Variants in HIVEP1 observed in about 807,000 individuals in gnomAD.
The protein encoded by HIVEP1 is zinc finger protein 40.
In HIVEP1, 36 loss-of-function variants were observed where a neutral mutation model predicts 180.0. That is an observed-to-expected ratio of 0.20 (90% confidence interval 0.15 to 0.26). The LOEUF (loss-of-function observed/expected upper bound fraction) is 0.26, where lower values mean the gene tolerates loss of function less well. Ranked by LOEUF, HIVEP1 falls within the 10% of genes least tolerant of loss-of-function variation. HIVEP1 has a pLI of 1.00. For synonymous variants in HIVEP1, 1,239 were observed against 1,239.0 expected (o/e 1.00, Z 0.00); for missense variants, 3,143 against 3,268.7 (o/e 0.96, Z 0.94).
At chr6:12,148,192 CAAG>C (rs1286330795) in intron 7 of HIVEP1, among the ~76,000 whole-genome samples, 2 of 152,184 alleles carry the variant, frequency 1.3e-5, no homozygotes, top group African/African-American at 4.8e-5. Flanking sequence ...GCTACAGTTT[CAAG>C]TTTTGAAGTG....
chr6:12,198,473 C>T, the HIVEP1 span, among the ~76,000 whole-genome samples: 3 of 152,068 alleles, frequency 2.0e-5, no homozygotes, highest in Admixed American at 6.5e-5. Context: ...TTTATTTATT[C>T]ATTCATTCAT....
At chr6:12,167,898 ATAAT>A (rs1424638914), downstream of HIVEP1, among the ~76,000 whole-genome samples, 1 of 142,486 alleles carries the variant, frequency 7.0e-6, no homozygotes, top group Non-Finnish European at 1.5e-5. Flanking sequence ...ATGTGCGTAT[ATAAT>A]ATATACACAT....
Position 12,015,588 on chromosome 6 carries a change from G to C in HIVEP1, c.-41G>C. ...TGCCTTTTGGTGGCTTGCTTTATCTGCAGTTTTTAAGAAGAAAAAGAAGGC... is the reference window on the plus strand; with the variant it reads ...TGCCTTTTGGTGGCTTGCTTTATCTCCAGTTTTTAAGAAGAAAAAGAAGGC... On this transcript the variant is annotated 5_prime_UTR_variant, in exon 2 of 9. Transcript: ENST00000379388. The C allele has an allele frequency of 6.4e-7, 1 of 1,572,776 alleles. No homozygotes were observed. The highest frequency in any genetic ancestry group is 1.4e-5 in the African/African-American group (1 of 73,764).
At chr6:12,147,645 A>T (rs1432136730) in intron 7 of HIVEP1, among the ~76,000 whole-genome samples, 1 of 151,948 alleles carries the variant, frequency 6.6e-6, no homozygotes, top group African/African-American at 2.4e-5. Context: ...TAATACTAAT[A>T]CTCCCACAGA....
intron 5 of HIVEP1, among the ~76,000 whole-genome samples, 156 bp from the exon 6 acceptor site, chr6:12,130,611 A>G (rs1318082769): frequency 6.6e-6 from 1 of 152,230 alleles, no homozygotes; most frequent in Non-Finnish European, 1.5e-5. Flanking sequence ...GTGTTGATGT[A>G]AAAAGCTGGA....
At chr6:12,074,942 T>C (rs549381711) in intron 2 of HIVEP1, among the ~76,000 whole-genome samples, 1 of 152,306 alleles carries the variant, frequency 6.6e-6, no homozygotes, top group East Asian at 1.9e-4. Flanking sequence ...AGTGGCAAAT[T>C]GGGATAGTTG....
intron 3 of HIVEP1, among the ~76,000 whole-genome samples, chr6:12,111,929 G>A (rs1013022331): frequency 5.9e-5 from 9 of 152,068 alleles, no homozygotes; most frequent in African/African-American, 2.2e-4. Flanking sequence ...CTGCCATATT[G>A]GACAGTACAA....
intron 7 of HIVEP1, among the ~76,000 whole-genome samples, chr6:12,137,792 AGTT>A (rs1230651565): frequency 2.6e-5 from 4 of 152,188 alleles, no homozygotes; most frequent in Admixed American, 2.0e-4. Flanking sequence ...TATAGTAAAC[AGTT>A]GTTGTTTTAA....
intron 2 of HIVEP1, among the ~76,000 whole-genome samples, chr6:12,016,275 AAAGT>A (rs537992011): frequency 2.2e-4 from 34 of 152,214 alleles, no homozygotes; most frequent in Non-Finnish European, 4.3e-4. Flanking sequence ...TAATAGTAGA[AAAGT>A]AAGTGTATTC....
the HIVEP1 span, among the ~76,000 whole-genome samples, chr6:12,174,501 C>G: frequency 6.6e-6 from 1 of 152,078 alleles, no homozygotes; most frequent in South Asian, 2.1e-4. Context: ...TCTGAAGGCC[C>G]TTTAAATGGA....
intron 2 of HIVEP1, among the ~76,000 whole-genome samples, chr6:12,074,577 A>G (rs1772211823): frequency 2.0e-5 from 3 of 151,436 alleles, no homozygotes; most frequent in Admixed American, 2.0e-4. Context: ...ACATGGATTT[A>G]GGGGTCTCCA....
rs749178721 is a variant in HIVEP1 at position 12,163,272 on chromosome 6, T to C, written c.6979-11T>C. The C allele has an allele frequency of 6.2e-7, 1 of 1,604,922 alleles. No homozygotes were observed. Among genetic ancestry groups the C allele is most frequent in the African/African-American group, 1.3e-5 (1 of 74,810 alleles). ...CCTGTCATAAAAGGATTGCTCTCTCTTGTCATTTAGAGCCCATCATCTGTA... is the reference window on the plus strand; with the variant it reads ...CCTGTCATAAAAGGATTGCTCTCTCCTGTCATTTAGAGCCCATCATCTGTA... On this transcript the variant is annotated splice_polypyrimidine_tract_variant and intron_variant, in intron 8 of 8. Transcript: ENST00000379388.
At chr6:12,042,160 A>T (rs192426563) in intron 2 of HIVEP1, among the ~76,000 whole-genome samples, 2,914 of 149,134 alleles carry the variant, frequency 0.02, 149 homozygotes, top group African/African-American at 0.07. Context: ...GCTCACTGCA[A>T]GCTCCGCTTC....
At chr6:12,102,396 A>G (rs1418790183) in intron 3 of HIVEP1, among the ~76,000 whole-genome samples, 5 of 152,192 alleles carry the variant, frequency 3.3e-5, no homozygotes, top group South Asian at 2.1e-4. Flanking sequence ...GTTTGCTCCA[A>G]CTGCCATGGA....
chr6:12,096,713 G>A (rs1364855627), intron 3 of HIVEP1, among the ~76,000 whole-genome samples: 1 of 151,886 alleles, frequency 6.6e-6, no homozygotes, highest in African/African-American at 2.4e-5. Context: ...ATAAGGCCAT[G>A]CTTTATTGCC....
chr6:12,107,833 C>G (rs890833651), intron 3 of HIVEP1, among the ~76,000 whole-genome samples: 1 of 152,212 alleles, frequency 6.6e-6, no homozygotes, highest in Non-Finnish European at 1.5e-5. Context: ...CACCCACATC[C>G]TGCTGATTGG....
chr6:12,133,216 C>G (rs1472063369), intron 6 of HIVEP1, among the ~76,000 whole-genome samples: 1 of 152,076 alleles, frequency 6.6e-6, no homozygotes, highest in Non-Finnish European at 1.5e-5. Flanking sequence ...AGTACATTTT[C>G]AAAATAATTT....
At chr6:12,127,150 C>T (rs1012560853) in intron 4 of HIVEP1, among the ~76,000 whole-genome samples, 3 of 151,630 alleles carry the variant, frequency 2.0e-5, no homozygotes, top group Non-Finnish European at 2.9e-5. Flanking sequence ...TGTGAGCCAC[C>T]GCGCCCAGCA....
In HIVEP1 at chr6:12,121,008, A is replaced by G; in HGVS notation, c.1213A>G (p.Lys405Glu). Residue 405 changes from lysine to glutamate, a missense_variant, in exon 4 of 9, where the codon AAA becomes GAA. By Grantham distance (56) the Lys-to-Glu change is moderately conservative. Coordinates refer to ENST00000379388, the MANE Select transcript of HIVEP1 (RefSeq NM_002114.4). The surrounding 1 kb of genome is among the most constrained non-coding windows in gnomAD (Gnocchi z 5.3). ...AGATCAGAAGCCAAAAAAACAAGGA[A>G]AATATATTTGTGAGTATTGCAATAG... ...LKDQKPKKQG[K>E]YICEYCNRAC... The G allele has an allele frequency of 6.2e-7, 1 of 1,614,172 alleles. No homozygotes were observed. The highest frequency in any genetic ancestry group is 2.2e-5 in the East Asian group (1 of 44,888).
Sources: gnomAD v4.1 joint callset for allele counts (sites outside exome capture counted in the v4.1 genomes callset) on GRCh38, gnomAD v4.1.1 for gene constraint, Gnocchi (gnomAD v3.1) non-coding constraint, MANE v1.5 for transcripts, NCBI Gene and HGNC (gene_info 2026-07-23, HGNC 2026-07-21) for gene names.